MCM3AP: variants seen among roughly 807,000 people sequenced by gnomAD.
MCM3AP encodes the protein germinal-center associated nuclear protein.
A neutral mutation model predicts 184.1 loss-of-function variants in MCM3AP; 126 were observed. That is an observed-to-expected ratio of 0.68 (90% CI 0.59 to 0.79). The LOEUF (loss-of-function observed/expected upper bound fraction) is 0.79, where lower values mean the gene tolerates loss of function less well. MCM3AP is among the 30% of genes least tolerant of loss of function. The pLI is 0.00. For synonymous variants in MCM3AP, 1,002 were observed against 979.3 expected, an observed-to-expected ratio of 1.02 and a Z score of -0.43; for missense variants, 2,496 against 2,479.2, an observed-to-expected ratio of 1.01 and a Z score of -0.14.
chr21:46,274,857 T>C (rs564067138), intron 6 of MCM3AP, among the ~76,000 whole-genome samples: 1 of 146,196 alleles, frequency 6.8e-6, no homozygotes, highest in South Asian at 2.1e-4. Flanking sequence ...GAGGATCACC[T>C]GAGCCTGGGA....
At position 46,236,903 on chromosome 21, in the gene MCM3AP, G is replaced by C; in HGVS notation, c.5710C>G (p.Leu1904Val). Residue 1904 changes from leucine (L) to valine (V), a missense_variant, in exon 27 of 28, where the codon CTT becomes GTT. Leu to Val is a conservative substitution (Grantham distance 32). This residue lies in a region of MCM3AP where 1,323 missense variants were observed against 1,273.4 expected (regional missense o/e 1.04). Transcript: ENST00000291688. ...FTDLTSLPLY[L>V]PQTLVSLSHT... ...GAAAGAGACACTAGAGTCTGAGGAA[G>C]ATAGAGGGGAAGGGAAGTTAAATCC... is the stretch of plus-strand genomic sequence containing the variant. 1 of 1,566,878 alleles carries C rather than the reference G, an allele frequency of 6.4e-7. No individual in the cohort carries two copies. The highest frequency in any genetic ancestry group is 8.6e-7 in the Non-Finnish European group (1 of 1,161,846).
At chr21:46,285,954 C>T (rs2081417321), upstream of MCM3AP, 1 of 152,566 alleles carries the variant, frequency 6.6e-6, no homozygotes, top group African/African-American at 2.4e-5. Context: ...GGAGCCTAAT[C>T]TTCCACCCAG....
chr21:46,249,795 G>C (rs974337119), intron 20 of MCM3AP: 1 of 283,754 alleles, frequency 3.5e-6, no homozygotes, highest in African/African-American at 2.3e-5. Context: ...AGAGCCAGAT[G>C]AGCATCTCCA....
At chr21:46,248,819 C>G (rs2080821712) in intron 20 of MCM3AP, among the ~76,000 whole-genome samples, 1 of 152,074 alleles carries the variant, frequency 6.6e-6, no homozygotes, top group Admixed American at 6.6e-5. Flanking sequence ...AGTCAAGGAA[C>G]TCTTTCAGAA....
rs769110218 is a variant in MCM3AP, at chr21:46,261,361, A to C, written c.3386T>G (p.Ile1129Ser). ...EDLLTAATTG[I>S]LRHIAAEEVS... is the part of the protein sequence containing the mutation. ...TTCTTCAGCTGCAATGTGCCTCAAA[A>C]TGCCCGTGGTTGCAGCTGTTAACAA... The change falls in exon 14 of 28, where the codon ATT becomes AGT. Residue 1129 changes from isoleucine (I) to serine (S), a missense_variant. Around this residue, in one of 5 missense-constraint regions of MCM3AP, gnomAD observed 1,323 missense variants for 1,273.4 expected, o/e 1.04. Transcript: ENST00000291688. 4 of 1,614,088 alleles carry C rather than the reference A, an allele frequency of 2.5e-6. No homozygotes were observed. In the South Asian group the frequency reaches 4.4e-5, roughly 18 times the overall value.
Position 46,277,518 on chromosome 21 carries a change from G to A in MCM3AP, c.1858+9C>T. The A allele has an allele frequency of 6.4e-7, 1 of 1,553,180 alleles. No individual in the cohort carries two copies. ...AGGCCCCTAGAACCTCTGCCACCAA[G>A]TGCCATACCTTGCCGCATGATCCTG... On this transcript the variant is annotated intron_variant, in intron 5 of 27. Coordinates refer to ENST00000291688, the MANE Select transcript of MCM3AP (RefSeq NM_003906.5).
At chr21:46,268,256 G>A (rs530637865) in intron 9 of MCM3AP, among the ~76,000 whole-genome samples, 47 of 152,138 alleles carry the variant, frequency 3.1e-4, no homozygotes, top group African/African-American at 9.6e-4. Flanking sequence ...ATGAAAATCC[G>A]AACAAAAATT....
rs1395638964 is a variant in MCM3AP at position 46,245,185 on chromosome 21, C to T, written c.4660G>A (p.Val1554Met). ...LQGSTKVLQAVQWLVSHCPHS... is the reference protein window; with the variant it reads ...LQGSTKVLQAMQWLVSHCPHS... ...GGGCAGTGGGAAACCAGCCACTGCA[C>T]TGCTTGCAAAACCTGAGAAGAAAGA... The change falls in exon 23 of 28, where the codon GTG becomes ATG. Residue 1554 changes from valine to methionine, a missense_variant. Coordinates refer to ENST00000291688, the MANE Select transcript of MCM3AP (RefSeq NM_003906.5). 6.2e-7 allele frequency: 1 copy of T among 1,600,038 alleles called. No homozygotes were observed. The highest frequency in any genetic ancestry group is 8.5e-7 in the Non-Finnish European group (1 of 1,174,820).
intron 1 of MCM3AP, 30 bp from the exon 2 acceptor site, chr21:46,283,868 C>A (rs765719176): frequency 1.9e-6 from 3 of 1,589,920 alleles, no homozygotes; most frequent in Non-Finnish European, 2.6e-6. Context: ...ACACTTAAAC[C>A]ATCAGATGTT....
Position 46,259,062 on chromosome 21 carries a change from C to G in MCM3AP, c.3611G>C (p.Arg1204Pro). 1 of 1,613,830 alleles carries G rather than the reference C, an allele frequency of 6.2e-7. No individual in the cohort carries two copies. Among genetic ancestry groups the G allele is most frequent in the Non-Finnish European group, 8.5e-7 (1 of 1,179,894 alleles). Reference protein sequence around the residue: ...KNAVETDQRVRVARCCEDVCA... With the variant: ...KNAVETDQRVPVARCCEDVCA... ...GACATCCTCACAGCAACGGGCCACA[C>G]GGACCCTCTGGTCTGTCTCTACTGC... Residue 1204 changes from arginine (R) to proline (P), a missense_variant, in exon 16 of 28, where the codon CGT becomes CCT. Around this residue, in one of 5 missense-constraint regions of MCM3AP, gnomAD observed 1,323 missense variants for 1,273.4 expected, o/e 1.04. Transcript: ENST00000291688.
chr21:46,236,682 A>AT, intron 27 of MCM3AP, 147 bp downstream of exon 27: 1 of 590,356 alleles, frequency 1.7e-6, no homozygotes, highest in Non-Finnish European at 2.9e-6. Context: ...AATGATATGG[A>AT]TAAAGTTTAA....
rs17183220 is a variant in MCM3AP at position 46,246,830 on chromosome 21, G to T, written c.4347C>A (p.Asp1449Glu). The T allele has an allele frequency of 0.059, 94,825 of 1,614,068 alleles. 3,152 individuals carry two copies. Among genetic ancestry groups the T allele is most frequent in the Non-Finnish European group, 0.068 (80,047 of 1,179,964 alleles). Residue 1449 changes from aspartate (D) to glutamate (E), a missense_variant, in exon 21 of 28, where the codon GAC (aspartate) becomes GAA (glutamate). Physicochemically the swap from Asp to Glu is conservative, Grantham distance 45. Coordinates refer to ENST00000291688, the MANE Select transcript of MCM3AP (RefSeq NM_003906.5). ...GAIDAVETQK[D>E]LLGASGLMLL... ...GCATGAGCCCACTGGCTCCCAGGAG[G>T]TCCTTCTGTGTCTCCACAGCATCAA...
chr21:46,285,445 AG>A lies in MCM3AP; in HGVS notation c.-160del. ...ATAGCTATGTTCTGCTACAAGTCTA[AG>A]AAAAGAATTTTTGAACACTGTCATA... On this transcript the variant is annotated 5_prime_UTR_variant, in exon 1 of 28. An upstream open reading frame in the 5' UTR gains an earlier in-frame stop. Coordinates refer to ENST00000291688, the MANE Select transcript of MCM3AP (RefSeq NM_003906.5). 1.6e-6 allele frequency: 1 copy of A among 608,138 alleles called. No homozygotes were observed. The highest frequency in any genetic ancestry group is 2.9e-6 in the Non-Finnish European group (1 of 343,890). The allele number at this position is 608,138 out of a possible 1,614,324, so 37.7% of individuals were successfully genotyped here. A position where few individuals can be genotyped will look rare whatever the true frequency, so the allele number is the denominator to read the frequency against.
At chr21:46,259,837 G>A (rs1293512210) in intron 15 of MCM3AP, among the ~76,000 whole-genome samples, 2 of 149,956 alleles carry the variant, frequency 1.3e-5, no homozygotes, top group African/African-American at 2.5e-5. Context: ...CCCGGGAGGC[G>A]GAGCTTGCAG....
intron 2 of MCM3AP, among the ~76,000 whole-genome samples, chr21:46,281,921 T>C (rs13047198): frequency 0.37 from 56,832 of 151,698 alleles, 10,894 homozygotes; most frequent in Admixed American, 0.45. Flanking sequence ...TCGCTTGAAC[T>C]GGAAAGGTAA....
intron 26 of MCM3AP, among the ~76,000 whole-genome samples, chr21:46,239,777 A>C (rs935181881): frequency 2.0e-5 from 3 of 152,138 alleles, no homozygotes; most frequent in African/African-American, 7.2e-5. Context: ...CAGACGATGC[A>C]GAGGAGAGGT....
chr21:46,283,501 G>A, intron 2 of MCM3AP, 114 bp downstream of exon 2: 2 of 665,108 alleles, frequency 3.0e-6, no homozygotes, highest in South Asian at 1.9e-5. Flanking sequence ...AGATATTTGA[G>A]TACTTTCTCT....
At position 46,285,177 on chromosome 21, in the gene MCM3AP, G is replaced by A. The variant is rs941534679; in HGVS notation, c.110C>T (p.Ser37Phe). ...SKPPFRFGQP[S>F]LFGQNSTLSG... is the part of the protein sequence containing the mutation. Reference sequence around the variant, plus strand: ...TAAGGTACTGTTTTGTCCAAAAAGAGAAGGTTGACCAAATCGAAATGGCGG... The same window carrying A: ...TAAGGTACTGTTTTGTCCAAAAAGAAAAGGTTGACCAAATCGAAATGGCGG... Residue 37 changes from serine to phenylalanine, a missense_variant, in exon 1 of 28, where the codon TCT becomes TTT. This residue lies in a region of MCM3AP where 800 missense variants were observed against 717.1 expected (regional missense o/e 1.12). Coordinates refer to ENST00000291688, the MANE Select transcript of MCM3AP (RefSeq NM_003906.5). 1.2e-6 allele frequency: 2 copies of A among 1,607,038 alleles called. No individual in the cohort carries two copies. Among genetic ancestry groups the A allele is most frequent in the African/African-American group, 1.3e-5 (1 of 74,946 alleles).
At chr21:46,249,256 C>T (rs149910863) in intron 20 of MCM3AP, among the ~76,000 whole-genome samples, 3 of 152,188 alleles carry the variant, frequency 2.0e-5, no homozygotes, top group South Asian at 2.1e-4. Context: ...GGTGCGATCA[C>T]GGCTCACTGC....
Sources: gnomAD v4.1 joint callset for allele counts (sites outside exome capture counted in the v4.1 genomes callset) on GRCh38, gnomAD v4.1.1 for gene constraint, gnomAD v4.1.1 regional missense constraint, MANE v1.5 for transcripts, NCBI Gene and HGNC (gene_info 2026-07-23, HGNC 2026-07-21) for gene names.